The following CHIT1 variants were observed in gnomAD, a reference collection of about 807,000 sequenced individuals.
The protein encoded by CHIT1 is chitotriosidase-1.
Under a neutral mutation model 52.0 loss-of-function variants are expected in CHIT1, and 47 were observed. That is an observed-to-expected ratio of 0.90 (90% CI 0.71 to 1.15). The LOEUF (loss-of-function observed/expected upper bound fraction) is 1.15, where lower values mean the gene tolerates loss of function less well. CHIT1 is among the 50% of genes most tolerant of loss of function. The pLI, the probability that CHIT1 is intolerant of heterozygous loss-of-function variation, is 0.00. For missense variants in CHIT1, 569 were observed against 583.0 expected (o/e 0.98, Z 0.25); for synonymous variants, 242 against 228.2 (o/e 1.06, Z -0.54).
chr1:203,221,952 C>G (rs1415567136), intron 7 of CHIT1, among the ~76,000 whole-genome samples: 1 of 152,184 alleles, frequency 6.6e-6, no homozygotes, highest in Non-Finnish European at 1.5e-5. Context: ...CCATTGGTCA[C>G]TTGTTTGTCA....
intron 2 of CHIT1, among the ~76,000 whole-genome samples, chr1:203,227,836 A>G (rs905412509): frequency 6.6e-6 from 1 of 152,148 alleles, no homozygotes; most frequent in African/African-American, 2.4e-5. Flanking sequence ...GTTCCATCCT[A>G]TGAGGCTGAG....
At chr1:203,222,672 C>G in intron 6 of CHIT1, among the ~76,000 whole-genome samples, 1 of 152,182 alleles carries the variant, frequency 6.6e-6, no homozygotes. Flanking sequence ...ACACAGATCA[C>G]CTGGGAATCT....
intron 8 of CHIT1, 136 bp downstream of exon 8, chr1:203,219,528 G>T (rs530687151): frequency 2.6e-5 from 30 of 1,134,294 alleles, no homozygotes; most frequent in Non-Finnish European, 3.9e-5. Flanking sequence ...AGATGGCATG[G>T]ATGAGATGGA....
At chr1:203,223,742 C>T in intron 4 of CHIT1, 82 bp from the exon 5 acceptor site, 1 of 1,422,734 alleles carries the variant, frequency 7.0e-7, no homozygotes, top group African/African-American at 1.4e-5. Context: ...CAAGAAAACA[C>T]TCAGGACAGT....
chr1:203,228,623 A>G, intron 1 of CHIT1, 61 bp from the exon 2 acceptor site: 2 of 1,541,966 alleles, frequency 1.3e-6, no homozygotes, highest in Non-Finnish European at 1.8e-6. Flanking sequence ...CCCAGGCCCC[A>G]CAGCTTACGG....
upstream of CHIT1, chr1:203,229,913 C>T: frequency 1.9e-6 from 1 of 513,342 alleles, no homozygotes; most frequent in Non-Finnish European, 3.6e-6. Context: ...GGCCCTGAAC[C>T]TCCTGATGGA....
At position 203,229,081 on chromosome 1, in the gene CHIT1, C is replaced by T. The variant is rs142123935; in HGVS notation, c.26-519G>A. On this transcript the variant is annotated intron_variant, in intron 1 of 10. Coordinates refer to ENST00000367229, the MANE Select transcript of CHIT1 (RefSeq NM_003465.3). The stretch of plus-strand genomic sequence containing the variant: ...ACAGCCTTGGAGACCTAGGGTCTGA[C>T]AGGACTCCTTCGAAGAGATCTCTTT... Among the ~76,000 whole-genome samples, 850 of 152,246 alleles carry T rather than the reference C, an allele frequency of 5.6e-3. 8 individuals are homozygous for T. Among genetic ancestry groups the T allele is most frequent in the African/African-American group, 0.02 (819 of 41,552 alleles).
chr1:203,219,946 C>T, intron 7 of CHIT1, 97 bp from the exon 8 acceptor site: 1 of 1,440,636 alleles, frequency 6.9e-7, no homozygotes, highest in Non-Finnish European at 9.5e-7. Context: ...AGGGCAGGGG[C>T]TCCTCAGCTG....
chr1:203,230,011 T>C, upstream of CHIT1: 1 of 320,862 alleles, frequency 3.1e-6, no homozygotes, highest in South Asian at 3.1e-5. Flanking sequence ...GAGAAATGAC[T>C]CACGAGTCAG....
In CHIT1 at chr1:203,216,962, C is replaced by T. The variant is rs1656553263; in HGVS notation, c.1328G>A (p.Gly443Glu). The change falls in exon 11 of 11, where the codon GGG becomes GAG. Residue 443 changes from glycine to glutamate, a missense_variant. Transcript: ENST00000367229. ...ERSSFYSCAA[G>E]RLFQQSCPTG... ...CGGGCAGCTTTGCTGGAACAGCCGC[C>T]CCGCTGCACAGCTGTAGAAGCTGGA... 1.2e-6 allele frequency: 2 copies of T among 1,614,172 alleles called. No homozygotes were observed. Among genetic ancestry groups the T allele is most frequent in the South Asian group, 1.1e-5 (1 of 91,084 alleles).
At position 203,216,866 on chromosome 1, in the gene CHIT1, G is replaced by T; in HGVS notation, c.*23C>A. The stretch of plus-strand genomic sequence containing the variant: ...TGATCCTGGGCCCAGCCTCAAAGCT[G>T]GGACTGGAGGGGCTTTAGCGACTCA... On this transcript the variant is annotated 3_prime_UTR_variant, in exon 11 of 11. Coordinates refer to ENST00000367229, the MANE Select transcript of CHIT1 (RefSeq NM_003465.3). The T allele has an allele frequency of 6.2e-7, 1 of 1,613,586 alleles. No homozygotes were observed. Among genetic ancestry groups the T allele is most frequent in the South Asian group, 1.1e-5 (1 of 91,014 alleles).
chr1:203,218,106 G>A, intron 9 of CHIT1: 1 of 1,476,934 alleles, frequency 6.8e-7, no homozygotes, highest in Non-Finnish European at 9.0e-7. Context: ...GGTGGGGTGG[G>A]TGCAGTCGGG....
At chr1:203,224,739 AC>A (rs951111394) in intron 4 of CHIT1, among the ~76,000 whole-genome samples, 2 of 152,004 alleles carry the variant, frequency 1.3e-5, no homozygotes, top group African/African-American at 4.8e-5. Context: ...ATTAGTTGGG[AC>A]CCTCCCTCTT....
At chr1:203,228,807 C>T (rs1288952651) in intron 1 of CHIT1, among the ~76,000 whole-genome samples, 1 of 152,168 alleles carries the variant, frequency 6.6e-6, no homozygotes, top group Non-Finnish European at 1.5e-5. Context: ...GCTGAGGCTG[C>T]CCCCTCTCTA....
At chr1:203,224,402 GT>G (rs1656851077) in intron 4 of CHIT1, among the ~76,000 whole-genome samples, 3 of 152,204 alleles carry the variant, frequency 2.0e-5, no homozygotes, top group Non-Finnish European at 4.4e-5. Flanking sequence ...TCAATAAACA[GT>G]CTGTATATAA....
chr1:203,225,129 G>A (rs1370198101), intron 3 of CHIT1, 25 bp from the exon 4 acceptor site: 6 of 1,612,744 alleles, frequency 3.7e-6, no homozygotes, highest in African/African-American at 1.3e-5. Context: ...AGACACAGCA[G>A]GATTTACTCT....
intron 4 of CHIT1, 129 bp from the exon 5 acceptor site, chr1:203,223,789 G>T: frequency 1.0e-6 from 1 of 954,652 alleles, no homozygotes. Flanking sequence ...GCACTGGGAG[G>T]GCTGCTTCAG....
At chr1:203,228,600 C>T (rs769359380) in intron 1 of CHIT1, 38 bp from the exon 2 acceptor site, 3 of 1,564,960 alleles carry the variant, frequency 1.9e-6, no homozygotes, top group Non-Finnish European at 2.6e-6. Context: ...GGTTATGCTG[C>T]CATTCTCACC....
intron 2 of CHIT1, among the ~76,000 whole-genome samples, chr1:203,227,616 G>A (rs1656972996): frequency 6.6e-6 from 1 of 152,192 alleles, no homozygotes; most frequent in South Asian, 2.1e-4. Context: ...CCCAGTGTGG[G>A]CTAAAGTTAA....
Sources: gnomAD v4.1 joint callset for allele counts (sites outside exome capture counted in the v4.1 genomes callset) on GRCh38, gnomAD v4.1.1 for gene constraint, MANE v1.5 for transcripts, NCBI Gene and HGNC (gene_info 2026-07-23, HGNC 2026-07-21) for gene names.